The following EZH2 variants were observed in gnomAD, a reference collection of about 807,000 sequenced individuals.
EZH2 encodes the protein histone-lysine N-methyltransferase EZH2.
A neutral mutation model predicts 98.4 loss-of-function variants in EZH2; 18 were observed. The ratio of observed to expected loss-of-function variants is 0.18; its 90% CI spans 0.13 to 0.27. The LOEUF (loss-of-function observed/expected upper bound fraction) is 0.27, where lower values mean the gene tolerates loss of function less well. Among genes scored for constraint, EZH2 ranks in the 10% least tolerant of loss-of-function variants. The pLI, the probability that EZH2 is intolerant of heterozygous loss-of-function variation, is 1.00. For synonymous variants in EZH2, 338 were observed against 312.3 expected, an observed-to-expected ratio of 1.08 and a Z score of -0.87; for missense variants, 470 against 935.1, an observed-to-expected ratio of 0.50 and a Z score of 6.49.
intron 3 of EZH2, among the ~76,000 whole-genome samples, chr7:148,844,032 T>C (rs551584295): frequency 3.9e-5 from 6 of 152,318 alleles, no homozygotes; most frequent in Admixed American, 3.3e-4. Flanking sequence ...ATTAAAACAA[T>C]GCTATAATGG....
Position 148,814,986 on chromosome 7 carries a change from GCTGCCGTGGATGAT to G in EZH2, c.1586_1599del (p.Asp529AlafsTer3). 1 of 1,613,934 alleles carries G rather than the reference GCTGCCGTGGATGAT, an allele frequency of 6.2e-7. No individual in the cohort carries two copies. Among genetic ancestry groups the G allele is most frequent in the Non-Finnish European group, 8.5e-7 (1 of 1,179,998 alleles). Reference sequence around the variant, plus strand: ...ACACAAGGGCACGAACTGTCACAAGGCTGCCGTGGATGATCACAGGGTTGATAGTTGTAAACATG... The same window carrying G: ...ACACAAGGGCACGAACTGTCACAAGGCACAGGGTTGATAGTTGTAAACATG... On this transcript the variant is annotated frameshift_variant, in exon 14 of 20. Coordinates refer to ENST00000320356, the MANE Select transcript of EZH2 (RefSeq NM_004456.5). LOFTEE classifies it high-confidence loss of function.
chr7:148,840,407 C>T (rs1389980900), intron 3 of EZH2, among the ~76,000 whole-genome samples: 1 of 151,986 alleles, frequency 6.6e-6, no homozygotes, highest in Non-Finnish European at 1.5e-5. Flanking sequence ...GGATGTATAT[C>T]TGGCCAATAA....
chr7:148,845,233 TAAA>T (rs558776363), intron 3 of EZH2, among the ~76,000 whole-genome samples: 136 of 152,270 alleles, frequency 8.9e-4, no homozygotes, highest in African/African-American at 3.2e-3. Flanking sequence ...GGTCACCAAA[TAAA>T]AACTTTCAAA....
At position 148,847,470 on chromosome 7, in the gene EZH2, A is replaced by G. The variant is rs79148783; in HGVS notation, c.-7-165T>C. ...TTTGTGCTGCATGGTTAAATCCTTAAAACACTTCATTGAAAGTTTAAGTTA... is the reference window on the plus strand; with the variant it reads ...TTTGTGCTGCATGGTTAAATCCTTAGAACACTTCATTGAAAGTTTAAGTTA... On this transcript the variant is annotated intron_variant, in intron 1 of 19. Transcript: ENST00000320356. 3.9e-3 allele frequency among the ~76,000 whole-genome samples: 588 copies of G among 152,364 alleles called. 2 individuals carry two copies. The highest frequency in any genetic ancestry group is 0.013 in the African/African-American group (551 of 41,584).
chr7:148,836,002 C>T (rs990117106), intron 3 of EZH2, among the ~76,000 whole-genome samples: 3 of 152,180 alleles, frequency 2.0e-5, no homozygotes, highest in Admixed American at 6.5e-5. Context: ...CTTCCAGTCC[C>T]ATACCTCTGT....
Position 148,809,395 on chromosome 7 carries a change from A to G in EZH2, c.2030-5T>C. The stretch of plus-strand genomic sequence containing the variant: ...GGGTTGCATCCACCACAAAATCTAA[A>G]AAGAAAAAAGTAAGCACAGCCCAGT... On this transcript the variant is annotated splice_polypyrimidine_tract_variant and splice_region_variant and intron_variant, in intron 17 of 19. Coordinates refer to ENST00000320356, the MANE Select transcript of EZH2 (RefSeq NM_004456.5). 1 of 1,596,208 alleles carries G rather than the reference A, an allele frequency of 6.3e-7. No homozygotes were observed. The highest frequency in any genetic ancestry group is 8.6e-7 in the Non-Finnish European group (1 of 1,165,040).
At chr7:148,809,918 CCT>C (rs757919820) in intron 17 of EZH2, among the ~76,000 whole-genome samples, 8 of 152,266 alleles carry the variant, frequency 5.3e-5, no homozygotes, top group African/African-American at 1.4e-4. Flanking sequence ...AGCTGCCTTT[CCT>C]CTCAGTCCTT....
At chr7:148,864,237 C>T (rs910038992) in intron 1 of EZH2, among the ~76,000 whole-genome samples, 1 of 152,168 alleles carries the variant, frequency 6.6e-6, no homozygotes, top group Non-Finnish European at 1.5e-5. Context: ...GTCCATAGAC[C>T]AGCATTCTGG....
intron 1 of EZH2, among the ~76,000 whole-genome samples, chr7:148,863,096 A>AAGAAAG (rs1554421265): frequency 2.3e-4 from 33 of 144,588 alleles, no homozygotes; most frequent in African/African-American, 5.2e-4. Flanking sequence ...AAAAAAAAAA[A>AAGAAAG]AAAGAAAGAA....
chr7:148,839,579 T>C (rs1469215698), intron 3 of EZH2, among the ~76,000 whole-genome samples: 1 of 151,598 alleles, frequency 6.6e-6, no homozygotes, highest in East Asian at 1.9e-4. Context: ...TTTTTTTTTG[T>C]TTTTTGTTTT....
intron 7 of EZH2, 148 bp downstream of exon 7, chr7:148,827,016 C>T (rs1807903687): frequency 3.4e-6 from 2 of 592,962 alleles, no homozygotes; most frequent in Non-Finnish European, 3.0e-6. Context: ...CAGAGTACCA[C>T]AAGTACACAT....
At chr7:148,808,951 A>C in intron 19 of EZH2, 120 bp downstream of exon 19, 1 of 715,932 alleles carries the variant, frequency 1.4e-6, no homozygotes, top group South Asian at 1.8e-5. Context: ...TTCCCCACTA[A>C]TGCTCATGGC....
intron 1 of EZH2, among the ~76,000 whole-genome samples, chr7:148,851,808 C>T (rs1428789625): frequency 6.6e-6 from 1 of 152,126 alleles, no homozygotes; most frequent in Non-Finnish European, 1.5e-5. Context: ...GAGGTGGAGA[C>T]TGCAGTGAAC....
chr7:148,832,613 G>T (rs1351260772), intron 4 of EZH2, 21 bp downstream of exon 4: 2 of 1,222,738 alleles, frequency 1.6e-6, no homozygotes, highest in South Asian at 1.4e-5. Context: ...CAAATAAGCA[G>T]AAGATATCTT....
chr7:148,875,391 C>CAGA (rs1820034375), intron 1 of EZH2, among the ~76,000 whole-genome samples: 1 of 152,032 alleles, frequency 6.6e-6, no homozygotes, highest in Non-Finnish European at 1.5e-5. Flanking sequence ...ACTATGTACC[C>CAGA]AGAACATATA....
rs1198807049 is a variant in EZH2 at position 148,817,286 on chromosome 7, A to G, written c.1346T>C (p.Ile449Thr). 1.2e-6 allele frequency: 2 copies of G among 1,614,076 alleles called. No individual in the cohort carries two copies. Among genetic ancestry groups the G allele is most frequent in the Admixed American group, 1.7e-5 (1 of 60,022 alleles). Residue 449 changes from isoleucine (I) to threonine (T), a missense_variant, in exon 11 of 20, where the codon ATT becomes ACT. By Grantham distance (89) the Ile-to-Thr change is moderately conservative. Coordinates refer to ENST00000320356, the MANE Select transcript of EZH2 (RefSeq NM_004456.5). ...GAEASMFRVL[I>T]GTYYDNFCAI... ...ACAGAAATTGTCATAGTAAGTGCCA[A>G]TGAGGACTCTAAACATTGAGGCTTC...
chr7:148,823,573 A>G (rs1348823881), intron 8 of EZH2, among the ~76,000 whole-genome samples: 1 of 152,174 alleles, frequency 6.6e-6, no homozygotes, highest in African/African-American at 2.4e-5. Flanking sequence ...ACTACTAATA[A>G]AAGTGGAAGA....
At chr7:148,861,670 A>C (rs1296501532) in intron 1 of EZH2, among the ~76,000 whole-genome samples, 1 of 151,166 alleles carries the variant, frequency 6.6e-6, no homozygotes, top group African/African-American at 2.4e-5. Flanking sequence ...ATTTTCCTTT[A>C]AAAAAAATTA....
chr7:148,881,083 C>A (rs1820887748), intron 1 of EZH2, among the ~76,000 whole-genome samples: 1 of 152,148 alleles, frequency 6.6e-6, no homozygotes, highest in South Asian at 2.1e-4. Context: ...AAGATTTCAC[C>A]TACTCATATA....
Sources: gnomAD v4.1 joint callset for allele counts (sites outside exome capture counted in the v4.1 genomes callset) on GRCh38, gnomAD v4.1.1 for gene constraint, MANE v1.5 for transcripts, NCBI Gene and HGNC (gene_info 2026-07-23, HGNC 2026-07-21) for gene names.